EVC: variants seen among roughly 807,000 people sequenced by gnomAD.
EVC encodes the protein evC complex member EVC.
EVC carries 116 observed loss-of-function variants against 118.9 expected under a neutral mutation model. That is an observed-to-expected ratio of 0.98 (90% CI 0.84 to 1.14). EVC has a LOEUF of 1.14. EVC is among the 50% of genes most tolerant of loss of function. The pLI, the probability that EVC is intolerant of heterozygous loss-of-function variation, is 0.00. For missense variants in EVC, 1,401 were observed against 1,246.4 expected (o/e 1.12, Z -1.87); for synonymous variants, 619 against 534.7 (o/e 1.16, Z -2.18).
chr4:5,775,393 A>T (rs1213305483), intron 11 of EVC, among the ~76,000 whole-genome samples: 2 of 151,726 alleles, frequency 1.3e-5, no homozygotes, highest in African/African-American at 4.8e-5. Context: ...CCATCCTAAC[A>T]CCCTCCCTGC....
In EVC at chr4:5,756,231, T is replaced by G; in HGVS notation, c.1465-33T>G. Reference sequence around the variant, plus strand: ...AAAAAAAAAAAAAAACCCTGCATGTTTCTACCAGACTCAGCTCTTGTTTTC... The same window carrying G: ...AAAAAAAAAAAAAAACCCTGCATGTGTCTACCAGACTCAGCTCTTGTTTTC... On this transcript the variant is annotated intron_variant, in intron 10 of 20. Coordinates refer to ENST00000264956, the MANE Select transcript of EVC (RefSeq NM_153717.3). The surrounding 1 kb of genome is among the most constrained non-coding windows in gnomAD (Gnocchi z 4.2). 6.4e-7 allele frequency: 1 copy of G among 1,550,572 alleles called. No homozygotes were observed. The highest frequency in any genetic ancestry group is 8.8e-7 in the Non-Finnish European group (1 of 1,131,840).
In EVC at chr4:5,811,053, T is replaced by G. The variant is rs1716848129; in HGVS notation, c.*16T>G. ...CAACTTGTAGTTTAAGACCAGTCGG[T>G]GGGACAAGACCTGAAGCCCTGGGTC... is the stretch of plus-strand genomic sequence containing the variant. On this transcript the variant is annotated 3_prime_UTR_variant, in exon 21 of 21. Coordinates refer to ENST00000264956, the MANE Select transcript of EVC (RefSeq NM_153717.3). The G allele has an allele frequency of 6.3e-7, 1 of 1,598,734 alleles. No individual in the cohort carries two copies. The highest frequency in any genetic ancestry group is 1.7e-5 in the Admixed American group (1 of 59,246).
chr4:5,828,802 A>G, the EVC span: 1 of 1,085,014 alleles, frequency 9.2e-7, no homozygotes, highest in Admixed American at 2.8e-5. Flanking sequence ...AATACCTTTT[A>G]TTGACTGTAA....
At chr4:5,735,020 G>C (rs1727443885) in intron 5 of EVC, among the ~76,000 whole-genome samples, 1 of 152,192 alleles carries the variant, frequency 6.6e-6, no homozygotes, top group Non-Finnish European at 1.5e-5. Context: ...AGTGTCCACA[G>C]GGAGCAGCTT....
At chr4:5,804,669 A>C (rs1715570419) in intron 16 of EVC, 61 bp from the exon 17 acceptor site, 1 of 1,493,240 alleles carries the variant, frequency 6.7e-7, no homozygotes, top group African/African-American at 1.4e-5. Flanking sequence ...CACCTGCCCC[A>C]GACCTGGCAC....
In EVC at chr4:5,719,420, G is replaced by A. The variant is rs1302261360; in HGVS notation, c.300+47G>A. 6 of 1,613,260 alleles carry A rather than the reference G, an allele frequency of 3.7e-6. No homozygotes were observed. Among genetic ancestry groups the A allele is most frequent in the Admixed American group, 1.7e-5 (1 of 60,010 alleles). On this transcript the variant is annotated intron_variant, in intron 2 of 20. Transcript: ENST00000264956. This position sits in a 1 kb window ranked among gnomAD's most constrained non-coding sequence, Gnocchi z 4.7. Reference sequence around the variant, plus strand: ...GTTTGTGGAGGCACATGTGGGAGGTGGGGTATTCCCCCTGGAAGCCGGGTG... The same window carrying A: ...GTTTGTGGAGGCACATGTGGGAGGTAGGGTATTCCCCCTGGAAGCCGGGTG...
chr4:5,733,608 G>GC (rs1206712290), intron 5 of EVC, among the ~76,000 whole-genome samples, 173 bp downstream of exon 5: 1 of 152,188 alleles, frequency 6.6e-6, no homozygotes, highest in Non-Finnish European at 1.5e-5. Flanking sequence ...AAATGGAAAA[G>GC]CACTTCACGC....
At chr4:5,757,772 C>G (rs116046909) in intron 11 of EVC, among the ~76,000 whole-genome samples, 2,034 of 152,238 alleles carry the variant, frequency 0.013, 44 homozygotes, top group African/African-American at 0.046. Context: ...CCTTAAAGGC[C>G]CTGTCTCCAA....
intron 11 of EVC, among the ~76,000 whole-genome samples, chr4:5,779,176 C>T (rs1427516746): frequency 6.6e-6 from 1 of 151,118 alleles, no homozygotes; most frequent in Non-Finnish European, 1.5e-5. Context: ...TTTCTGAGGG[C>T]TCTGTTCTGT....
chr4:5,765,834 T>A (rs570682587), intron 11 of EVC, among the ~76,000 whole-genome samples: 55 of 150,684 alleles, frequency 3.7e-4, no homozygotes, highest in African/African-American at 1.3e-3. Context: ...TACAGCACAC[T>A]GATGGGTCTT....
At chr4:5,730,500 G>A (rs1552059) in intron 3 of EVC, among the ~76,000 whole-genome samples, 19,288 of 152,028 alleles carry the variant, frequency 0.13, 1,328 homozygotes, top group East Asian at 0.2. Flanking sequence ...TGGATGAAGG[G>A]CATTTCTCCA....
the EVC span, chr4:5,825,931 C>T: frequency 2.0e-6 from 1 of 490,368 alleles, no homozygotes; most frequent in South Asian, 2.6e-5. This position sits in a 1 kb window ranked among gnomAD's most constrained non-coding sequence, Gnocchi z 4.4. Flanking sequence ...CACTCACATA[C>T]ATGCAGTCAT....
chr4:5,753,295 C>T (rs1398085810), intron 9 of EVC, among the ~76,000 whole-genome samples: 1 of 152,228 alleles, frequency 6.6e-6, no homozygotes, highest in African/African-American at 2.4e-5. Context: ...CACTCACTCA[C>T]CAGGGATTCC....
At chr4:5,816,133 G>GGATCTGTTTTTTCCCCACT (rs1560461102), downstream of EVC, among the ~76,000 whole-genome samples, 4 of 152,240 alleles carry the variant, frequency 2.6e-5, no homozygotes, top group South Asian at 8.3e-4. Context: ...GGAGGCCTGG[G>GGATCTGTTTTTTCCCCACT]GATCTGTTTT....
chr4:5,722,953 C>G (rs1725205839), intron 2 of EVC, among the ~76,000 whole-genome samples: 1 of 152,196 alleles, frequency 6.6e-6, no homozygotes, highest in African/African-American at 2.4e-5. Context: ...GTTCAGGTAG[C>G]AGAGCCCGCT....
At chr4:5,722,059 C>G (rs1725042564) in intron 2 of EVC, among the ~76,000 whole-genome samples, 1 of 152,112 alleles carries the variant, frequency 6.6e-6, no homozygotes, top group Non-Finnish European at 1.5e-5. Context: ...AGCTAGAATC[C>G]TGGAACCCAG....
Position 5,743,662 on chromosome 4 carries a change from A to G in EVC, c.802-1542A>G, listed in dbSNP as rs1728945609. On this transcript the variant is annotated intron_variant, in intron 6 of 20. Coordinates refer to ENST00000264956, the MANE Select transcript of EVC (RefSeq NM_153717.3). This position sits in a 1 kb window ranked among gnomAD's most constrained non-coding sequence, Gnocchi z 4.7. ...TTTACTCCACTGGATTCCATGAGGA[A>G]GGATGACTCACTGCATCCCAGGAAG... is the stretch of plus-strand genomic sequence containing the variant. Among the ~76,000 whole-genome samples the G allele has an allele frequency of 6.6e-6, 1 of 152,210 alleles. No homozygotes were observed. The highest frequency in any genetic ancestry group is 1.5e-5 in the Non-Finnish European group (1 of 68,036).
Position 5,736,506 on chromosome 4 carries a change from ATT to A in EVC, c.702+3089_702+3090del, listed in dbSNP as rs60275784. On this transcript the variant is annotated intron_variant, in intron 5 of 20. Transcript: ENST00000264956. ...CTTAATTGCGCTTCAGAGATGCTGC[ATT>A]TTTTTTTTTTTTTTTTTACAAATTG... Among the ~76,000 whole-genome samples, 681 of 136,160 alleles carry A rather than the reference ATT, an allele frequency of 5.0e-3. 4 individuals carry two copies. Among genetic ancestry groups the A allele is most frequent in the African/African-American group, 0.016 (587 of 36,884 alleles). 89.3% of individuals were successfully genotyped at this position (136,160 alleles called of 152,430 possible).
In EVC at chr4:5,756,472, C is replaced by T. The variant is rs1382132661; in HGVS notation, c.1563+110C>T. ...CAGAGGTGGTTCAGGTCCAACCCCG[C>T]ACTCATTGGCCGGTGATCCACGCAG... is the stretch of plus-strand genomic sequence containing the variant. On this transcript the variant is annotated intron_variant, in intron 11 of 20. Transcript: ENST00000264956. This position sits in a 1 kb window ranked among gnomAD's most constrained non-coding sequence, Gnocchi z 4.2. The T allele has an allele frequency of 1.2e-6, 1 of 858,006 alleles. No homozygotes were observed. Among genetic ancestry groups the T allele is most frequent in the Non-Finnish European group, 1.9e-6 (1 of 524,958 alleles). 53.1% of individuals were successfully genotyped at this position (858,006 alleles called of 1,614,324 possible). A position where few individuals can be genotyped will look rare whatever the true frequency, so the allele number is the denominator to read the frequency against.
Sources: allele counts gnomAD v4.1 joint callset (sites outside exome capture counted in the v4.1 genomes callset), GRCh38; gene constraint gnomAD v4.1.1; non-coding constraint Gnocchi (gnomAD v3.1); transcripts MANE v1.5; gene names NCBI Gene and HGNC (gene_info 2026-07-23, HGNC 2026-07-21).